The following NECTIN3 variants were observed in gnomAD, a reference collection of about 807,000 sequenced individuals.
The protein encoded by NECTIN3 is nectin cell adhesion molecule 3.
A neutral mutation model predicts 49.4 loss-of-function variants in NECTIN3; 8 were observed. The ratio of observed to expected loss-of-function variants is 0.16; its 90% CI spans 0.10 to 0.29. NECTIN3 has a LOEUF of 0.29. Ranked by LOEUF, NECTIN3 falls within the 10% of genes least tolerant of loss-of-function variation. The pLI, the probability that NECTIN3 is intolerant of heterozygous loss-of-function variation, is 1.00. For missense variants in NECTIN3, 581 were observed against 654.6 expected (o/e 0.89, Z 1.23); for synonymous variants, 277 against 241.1 (o/e 1.15, Z -1.38).
At chr3:111,151,681 C>T (rs1359723733) in intron 7 of NECTIN3, among the ~76,000 whole-genome samples, 4 of 151,840 alleles carry the variant, frequency 2.6e-5, no homozygotes, top group Non-Finnish European at 5.9e-5. Flanking sequence ...TGTGTCAGCA[C>T]TGTTAACTAT....
At chr3:111,079,502 G>A (rs1287417087) in intron 1 of NECTIN3, among the ~76,000 whole-genome samples, 4 of 151,814 alleles carry the variant, frequency 2.6e-5, no homozygotes, top group Non-Finnish European at 5.9e-5. Context: ...AAACTGCCTA[G>A]TTTTTAAAAC....
At chr3:111,077,218 C>A in intron 1 of NECTIN3, 1 of 444,154 alleles carries the variant, frequency 2.3e-6, no homozygotes. Context: ...TCTTGCAAGA[C>A]TATTGACTGC....
At chr3:111,155,047 C>G (rs1012635929) in intron 7 of NECTIN3, among the ~76,000 whole-genome samples, 1 of 152,126 alleles carries the variant, frequency 6.6e-6, no homozygotes, top group African/African-American at 2.4e-5. Context: ...AAGCGATTCT[C>G]CTGCCTCAGC....
At chr3:111,182,292 C>G (rs937469587) in intron 7 of NECTIN3, among the ~76,000 whole-genome samples, 6 of 151,946 alleles carry the variant, frequency 3.9e-5, no homozygotes, top group African/African-American at 1.4e-4. Context: ...CTGAAACTAA[C>G]GTATGTTACG....
chr3:111,132,246 T>C (rs755730144), intron 5 of NECTIN3, among the ~76,000 whole-genome samples: 7 of 151,182 alleles, frequency 4.6e-5, no homozygotes, highest in Non-Finnish European at 1.0e-4. Flanking sequence ...CTTGACAGGG[T>C]TACCTGTTAT....
chr3:111,103,656 T>C (rs75132040), intron 1 of NECTIN3, among the ~76,000 whole-genome samples: 2,059 of 152,174 alleles, frequency 0.014, 31 homozygotes, highest in African/African-American at 0.045. Context: ...TCTGGTCTTA[T>C]TACTTTAGTA....
chr3:111,105,558 G>A (rs2033142280), intron 1 of NECTIN3, among the ~76,000 whole-genome samples: 2 of 152,104 alleles, frequency 1.3e-5, no homozygotes, highest in African/African-American at 4.8e-5. Context: ...CCTGCATAAG[G>A]TCTGCTACTA....
intron 1 of NECTIN3, chr3:111,072,484 T>G: frequency 6.5e-7 from 1 of 1,535,856 alleles, no homozygotes; most frequent in African/African-American, 1.4e-5. Flanking sequence ...GGACCGTTAC[T>G]TCCTCGCTCA....
chr3:111,130,479 T>C (rs913023845), intron 5 of NECTIN3, among the ~76,000 whole-genome samples: 8 of 152,120 alleles, frequency 5.3e-5, no homozygotes, highest in Non-Finnish European at 1.0e-4. Context: ...AAATGACCAG[T>C]TAATCTTTTT....
chr3:111,162,880 G>A (rs1366805555), intron 7 of NECTIN3, among the ~76,000 whole-genome samples: 1 of 152,084 alleles, frequency 6.6e-6, no homozygotes, highest in East Asian at 1.9e-4. Flanking sequence ...CATGTTTTAG[G>A]TTTTGTTATA....
intron 1 of NECTIN3, among the ~76,000 whole-genome samples, chr3:111,104,969 TTG>T (rs1363320843): frequency 2.0e-5 from 3 of 152,172 alleles, no homozygotes; most frequent in African/African-American, 7.2e-5. Context: ...GTTAATAATG[TTG>T]TGTCTTCTGA....
rs2034848238 is a variant in NECTIN3 at position 111,145,361 on chromosome 3, G to A, written c.1139+324G>A. ...GTAAGCCTTTCATGAAGTGGTAACCGAAGGACATATAAAAATATCTTTGAA... is the reference window on the plus strand; with the variant it reads ...GTAAGCCTTTCATGAAGTGGTAACCAAAGGACATATAAAAATATCTTTGAA... On this transcript the variant is annotated intron_variant, in intron 6 of 8. Coordinates refer to the NECTIN3 transcript ENST00000493615. Among the ~76,000 whole-genome samples the A allele has an allele frequency of 2.6e-5, 4 of 152,068 alleles. No homozygotes were observed. The South Asian group carries it at 8.3e-4, about 32-fold the overall frequency.
intron 1 of NECTIN3, among the ~76,000 whole-genome samples, chr3:111,089,487 T>C (rs1183245053): frequency 6.6e-6 from 1 of 152,100 alleles, no homozygotes; most frequent in Middle Eastern, 3.4e-3. Flanking sequence ...CCTTTAGATA[T>C]GACTTTGACT....
chr3:111,157,097 T>C (rs1284185420), intron 7 of NECTIN3, among the ~76,000 whole-genome samples: 1 of 152,184 alleles, frequency 6.6e-6, no homozygotes, highest in African/African-American at 2.4e-5. Context: ...AAATTCAGAC[T>C]AAACAGCATT....
chr3:111,119,671 A>T (rs1223404937), intron 3 of NECTIN3, among the ~76,000 whole-genome samples: 1 of 152,178 alleles, frequency 6.6e-6, no homozygotes, highest in East Asian at 1.9e-4. Flanking sequence ...AATTAGTTTG[A>T]AAAGTTTCTT....
At chr3:111,128,685 C>G (rs1023817105) in intron 5 of NECTIN3, among the ~76,000 whole-genome samples, 1 of 152,114 alleles carries the variant, frequency 6.6e-6, no homozygotes, top group South Asian at 2.1e-4. Context: ...CTCTCACACC[C>G]TAGTTAATTC....
At chr3:111,163,238 G>A (rs1053966675) in intron 7 of NECTIN3, among the ~76,000 whole-genome samples, 7 of 152,188 alleles carry the variant, frequency 4.6e-5, no homozygotes, top group African/African-American at 1.7e-4. Flanking sequence ...CTTCCTACTA[G>A]CTAGACTTCT....
chr3:111,122,907 G>A (rs2034013873), intron 4 of NECTIN3, among the ~76,000 whole-genome samples: 1 of 151,450 alleles, frequency 6.6e-6, no homozygotes, highest in Admixed American at 6.6e-5. Context: ...CTTATTTTTT[G>A]GTCATTTCCC....
At position 111,111,827 on chromosome 3, in the gene NECTIN3, A is replaced by T. The variant is rs373773540; in HGVS notation, c.161-203A>T. ...CTCATATCAAGCCCAGAAAACACCT[A>T]GTTCATTTCTTTTTGTTACTCAGTT... On this transcript the variant is annotated intron_variant, in intron 1 of 5. Coordinates refer to ENST00000485303, the MANE Select transcript of NECTIN3 (RefSeq NM_015480.3). 1.6e-3 allele frequency among the ~76,000 whole-genome samples: 237 copies of T among 151,650 alleles called. 1 individual carries two copies. Among genetic ancestry groups the T allele is most frequent in the African/African-American group, 5.6e-3 (232 of 41,314 alleles).
Sources: allele counts gnomAD v4.1 joint callset (sites outside exome capture counted in the v4.1 genomes callset), GRCh38; gene constraint gnomAD v4.1.1; transcripts MANE v1.5; gene names NCBI Gene and HGNC (gene_info 2026-07-23, HGNC 2026-07-21).